Variants in SNX29 observed in about 807,000 individuals in gnomAD.
The protein encoded by SNX29 is sorting nexin-29.
A neutral mutation model predicts 102.1 loss-of-function variants in SNX29; 78 were observed. The observed-to-expected ratio is 0.76, with a 90% CI of 0.64 to 0.92. SNX29 has a LOEUF of 0.92. Among genes scored for constraint, SNX29 ranks in the 40% least tolerant of loss-of-function variants. The pLI is 0.00. For synonymous variants in SNX29, 580 were observed against 414.5 expected (o/e 1.40, Z -4.85); for missense variants, 1,280 against 1,061.7 (o/e 1.21, Z -2.86).
chr16:12,318,325 G>A (rs1344488674), intron 15 of SNX29, among the ~76,000 whole-genome samples: 1 of 152,192 alleles, frequency 6.6e-6, no homozygotes, highest in African/African-American at 2.4e-5. Context: ...CTTTGGCATC[G>A]TGACTCAAAA....
intron 2 of SNX29, among the ~76,000 whole-genome samples, chr16:12,000,667 G>A (rs1311817831): frequency 2.6e-5 from 4 of 152,132 alleles, no homozygotes; most frequent in African/African-American, 9.7e-5. Context: ...GGGACTACAG[G>A]TGCATGCCAC....
Position 12,129,813 on chromosome 16 carries a change from G to C in SNX29, c.1595+55G>C, listed in dbSNP as rs2054377725. On this transcript the variant is annotated intron_variant, in intron 13 of 20. Coordinates refer to ENST00000566228, the MANE Select transcript of SNX29 (RefSeq NM_032167.5). ...GCACGTGGGGGCTTCATTAAAACCTGAGCATACTGGGCCGGGCACGGTGGC... is the reference window on the plus strand; with the variant it reads ...GCACGTGGGGGCTTCATTAAAACCTCAGCATACTGGGCCGGGCACGGTGGC... 7.8e-6 allele frequency: 12 copies of C among 1,529,740 alleles called. No individual in the cohort carries two copies. The East Asian group carries it at 2.8e-4, about 36-fold the overall frequency. The allele number at this position is 1,529,740 out of a possible 1,614,324, so 94.8% of individuals were successfully genotyped here.
intron 13 of SNX29, among the ~76,000 whole-genome samples, chr16:12,182,933 CAAA>C (rs575698544): frequency 8.6e-5 from 4 of 46,434 alleles, no homozygotes; most frequent in African/African-American, 8.5e-5. Flanking sequence ...GACTCTGTCT[CAAA>C]AAAAAAAAAA....
Position 12,398,431 on chromosome 16 carries a change from T to A in SNX29, c.1900-15T>A, listed in dbSNP as rs1349792968. The A allele has an allele frequency of 1.2e-6, 2 of 1,613,950 alleles. No individual in the cohort carries two copies. Among genetic ancestry groups the A allele is most frequent in the South Asian group, 1.1e-5 (1 of 91,088 alleles). ...ATGCATTTTTTCTCCCCTCTCCCCCTTCTCCTGATGGTAGGTGCCTGGAGA... is the reference window on the plus strand; with the variant it reads ...ATGCATTTTTTCTCCCCTCTCCCCCATCTCCTGATGGTAGGTGCCTGGAGA... On this transcript the variant is annotated splice_polypyrimidine_tract_variant and intron_variant, in intron 16 of 20. Transcript: ENST00000566228.
At chr16:12,155,596 C>T (rs1317648325) in intron 13 of SNX29, among the ~76,000 whole-genome samples, 2 of 152,156 alleles carry the variant, frequency 1.3e-5, no homozygotes, top group Non-Finnish European at 2.9e-5. Flanking sequence ...AAATGAGAGG[C>T]CGCTTTTCTA....
At chr16:12,567,024 G>C (rs1438830852) in intron 20 of SNX29, among the ~76,000 whole-genome samples, 2 of 152,234 alleles carry the variant, frequency 1.3e-5, no homozygotes, top group East Asian at 1.9e-4. Context: ...ATTGTGAAGA[G>C]ATTCACTCCT....
At chr16:12,193,312 A>G (rs879403262) in intron 13 of SNX29, among the ~76,000 whole-genome samples, 1 of 152,096 alleles carries the variant, frequency 6.6e-6, no homozygotes, top group Non-Finnish European at 1.5e-5. Flanking sequence ...CCTACTGAAA[A>G]TAAAACAATT....
chr16:12,546,521 T>A (rs2077615690), intron 20 of SNX29: 1 of 152,126 alleles, frequency 6.6e-6, no homozygotes. Flanking sequence ...TTCAATTATC[T>A]CCCAATGGGT....
In SNX29 at chr16:12,568,994, C is replaced by A. The variant is rs962269736; in HGVS notation, c.*365C>A. ...ATGGTTGAGAGGCAAAGGTGATCCCCTATATAGGAAGGTTCATGCAGAGCC... is the reference window on the plus strand; with the variant it reads ...ATGGTTGAGAGGCAAAGGTGATCCCATATATAGGAAGGTTCATGCAGAGCC... On this transcript the variant is annotated 3_prime_UTR_variant, in exon 21 of 21. Transcript: ENST00000566228. 4.2e-5 allele frequency: 13 copies of A among 312,842 alleles called. No individual in the cohort carries two copies. Among genetic ancestry groups the A allele is most frequent in the Non-Finnish European group, 6.5e-5 (11 of 169,374 alleles). 19.4% of individuals were successfully genotyped at this position (312,842 alleles called of 1,614,324 possible).
At position 12,377,021 on chromosome 16, in the gene SNX29, G is replaced by A. The variant is rs114306104; in HGVS notation, c.1899+20742G>A. ...GGGTTTTCTAACCAGGAGAATGTGGGCAAGGCTTCCATTGAAAGCCCCAAA... is the reference window on the plus strand; with the variant it reads ...GGGTTTTCTAACCAGGAGAATGTGGACAAGGCTTCCATTGAAAGCCCCAAA... On this transcript the variant is annotated intron_variant, in intron 16 of 20. Coordinates refer to ENST00000566228, the MANE Select transcript of SNX29 (RefSeq NM_032167.5). Among the ~76,000 whole-genome samples, 1,013 of 152,206 alleles carry A rather than the reference G, an allele frequency of 6.7e-3. 13 individuals are homozygous for A. Among genetic ancestry groups the A allele is most frequent in the African/African-American group, 0.024 (979 of 41,522 alleles).
intron 12 of SNX29, among the ~76,000 whole-genome samples, chr16:12,128,557 A>G (rs929841285): frequency 2.6e-5 from 4 of 151,054 alleles, no homozygotes; most frequent in Middle Eastern, 3.2e-3. Context: ...GGTTCAAGCA[A>G]TTCTCCTGCC....
chr16:12,004,626 G>A (rs1298164209), intron 3 of SNX29, among the ~76,000 whole-genome samples: 2 of 152,122 alleles, frequency 1.3e-5, no homozygotes, highest in African/African-American at 4.8e-5. Flanking sequence ...AACTGTTCAT[G>A]TCCCCCACCC....
intron 15 of SNX29, among the ~76,000 whole-genome samples, chr16:12,334,721 C>T (rs2081395147): frequency 6.6e-6 from 1 of 152,116 alleles, no homozygotes; most frequent in Non-Finnish European, 1.5e-5. Context: ...AAATGGAAAG[C>T]TCCCACATAG....
intron 13 of SNX29, among the ~76,000 whole-genome samples, chr16:12,170,673 T>G (rs982508892): frequency 4.0e-5 from 6 of 151,732 alleles, no homozygotes; most frequent in Non-Finnish European, 7.4e-5. Context: ...GATTCTGGTT[T>G]AAGTGGCTGA....
chr16:12,418,607 C>T (rs1391606797), intron 18 of SNX29, among the ~76,000 whole-genome samples: 3 of 152,088 alleles, frequency 2.0e-5, no homozygotes, highest in Admixed American at 6.5e-5. Context: ...CTCCACCTCC[C>T]GGATTCAAGT....
At chr16:12,298,826 T>C (rs1327297062) in intron 15 of SNX29, among the ~76,000 whole-genome samples, 1 of 152,128 alleles carries the variant, frequency 6.6e-6, no homozygotes, top group African/African-American at 2.4e-5. Flanking sequence ...TGCTTTCACA[T>C]GTGGCGTGAT....
At chr16:12,291,467 C>T (rs752074295) in intron 15 of SNX29, among the ~76,000 whole-genome samples, 28 of 152,264 alleles carry the variant, frequency 1.8e-4, no homozygotes, top group South Asian at 1.2e-3. Context: ...TCCCACGACA[C>T]GTGGGAATTG....
chr16:12,443,461 CT>C (rs199831909), intron 18 of SNX29: 105 of 152,996 alleles, frequency 6.9e-4, no homozygotes, highest in African/African-American at 2.3e-3. Context: ...AGGAGCATGG[CT>C]TTTTTTTTGA....
intron 14 of SNX29, among the ~76,000 whole-genome samples, chr16:12,219,967 C>A (rs79314018): frequency 6.6e-6 from 1 of 152,230 alleles, no homozygotes; most frequent in Non-Finnish European, 1.5e-5. Context: ...CACACCCCAC[C>A]GGTACCTGTC....
Sources: allele counts gnomAD v4.1 joint callset (sites outside exome capture counted in the v4.1 genomes callset), GRCh38; gene constraint gnomAD v4.1.1; transcripts MANE v1.5; gene names NCBI Gene and HGNC (gene_info 2026-07-23, HGNC 2026-07-21).